PLCB1: variants seen among roughly 807,000 people sequenced by gnomAD.
The protein encoded by PLCB1 is 1-phosphatidylinositol 4,5-bisphosphate phosphodiesterase beta-1.
A neutral mutation model predicts 161.8 loss-of-function variants in PLCB1; 46 were observed. That is an observed-to-expected ratio of 0.28 (90% CI 0.22 to 0.36). PLCB1 has a LOEUF of 0.36. Among genes scored for constraint, PLCB1 ranks in the 10% least tolerant of loss-of-function variants. The probability of loss-of-function intolerance (pLI) is 1.00; values close to 1 mark genes in which losing one functional copy is unlikely to be tolerated. For missense variants in PLCB1, 1,016 were observed against 1,472.5 expected (o/e 0.69, Z 5.07); for synonymous variants, 517 against 503.7 (o/e 1.03, Z -0.35).
At chr20:8,852,855 T>C (rs1986936822) in intron 31 of PLCB1, among the ~76,000 whole-genome samples, 1 of 152,224 alleles carries the variant, frequency 6.6e-6, no homozygotes, top group African/African-American at 2.4e-5. Context: ...TCACATCCAA[T>C]AGCCCCTGGC....
chr20:8,702,530 T>A (rs1412813367), intron 11 of PLCB1, among the ~76,000 whole-genome samples: 2 of 152,236 alleles, frequency 1.3e-5, no homozygotes, highest in South Asian at 4.1e-4. Context: ...TAATTTAGGA[T>A]GCAGTTTCAC....
chr20:8,483,333 C>T (rs1180040713), intron 3 of PLCB1, among the ~76,000 whole-genome samples: 2 of 152,198 alleles, frequency 1.3e-5, no homozygotes, highest in African/African-American at 2.4e-5. Context: ...GGCACTCCCA[C>T]ATACCTTATA....
chr20:8,433,648 TAAAAGGG>T (rs1980159203), intron 3 of PLCB1, among the ~76,000 whole-genome samples: 1 of 146,806 alleles, frequency 6.8e-6, no homozygotes, highest in Non-Finnish European at 1.5e-5. Context: ...ATAACGGACA[TAAAAGGG>T]AGTTGGCATA....
intron 31 of PLCB1, among the ~76,000 whole-genome samples, chr20:8,850,713 TATC>T (rs1338077747): frequency 6.6e-6 from 1 of 152,194 alleles, no homozygotes; most frequent in African/African-American, 2.4e-5. Flanking sequence ...AGCAAAAAGG[TATC>T]ATCTTGGATG....
chr20:8,535,510 A>G (rs1568497598), intron 3 of PLCB1, among the ~76,000 whole-genome samples: 1 of 152,182 alleles, frequency 6.6e-6, no homozygotes, highest in Non-Finnish European at 1.5e-5. Flanking sequence ...AAATGTTTCA[A>G]TTATAATCAT....
Position 8,501,106 on chromosome 20 carries a change from A to G in PLCB1, c.247-127188A>G, listed in dbSNP as rs368033768. 2.6e-5 allele frequency among the ~76,000 whole-genome samples: 4 copies of G among 152,182 alleles called. No homozygotes were observed. In the East Asian group the frequency reaches 7.7e-4, roughly 29 times the overall value. ...TTTTCGTTCTCATGCTGCCAGCTAC[A>G]CAAGAGGCACGCACTGTGGATCCAC... is the stretch of plus-strand genomic sequence containing the variant. On this transcript the variant is annotated intron_variant, in intron 3 of 31. Coordinates refer to ENST00000338037, the MANE Select transcript of PLCB1 (RefSeq NM_015192.4).
intron 3 of PLCB1, among the ~76,000 whole-genome samples, chr20:8,444,519 G>T (rs1420224629): frequency 1.3e-5 from 2 of 152,194 alleles, no homozygotes; most frequent in East Asian, 3.9e-4. Flanking sequence ...ACGTGTGCAT[G>T]TGTCTTTATA....
intron 3 of PLCB1, among the ~76,000 whole-genome samples, chr20:8,489,228 G>A (rs1221483692): frequency 6.6e-6 from 1 of 152,132 alleles, no homozygotes; most frequent in African/African-American, 2.4e-5. Context: ...TAATCTATGA[G>A]TAAACGTCTA....
chr20:8,536,274 G>GA (rs143194347), intron 3 of PLCB1, among the ~76,000 whole-genome samples: 2 of 151,502 alleles, frequency 1.3e-5, no homozygotes, highest in Non-Finnish European at 2.9e-5. Flanking sequence ...TATACAAGAA[G>GA]AAAAAAAAAT....
rs559631096 is a variant in PLCB1 at position 8,166,401 on chromosome 20, CT to C, written c.177+16033del. Among the ~76,000 whole-genome samples, 8 of 152,212 alleles carry C rather than the reference CT, an allele frequency of 5.3e-5. No individual in the cohort carries two copies. The South Asian group carries it at 1.7e-3, about 32-fold the overall frequency. ...TCCTCGAAACACTTTCTTTTCTTGA[CT>C]TTCTTTTTCTCCTACCTCTTCCTAC... On this transcript the variant is annotated intron_variant, in intron 2 of 31. Coordinates refer to ENST00000338037, the MANE Select transcript of PLCB1 (RefSeq NM_015192.4).
intron 2 of PLCB1, among the ~76,000 whole-genome samples, chr20:8,215,262 T>G (rs1979055565): frequency 6.6e-6 from 1 of 151,930 alleles, no homozygotes; most frequent in African/African-American, 2.4e-5. Context: ...TTCTTAAATT[T>G]CGGAATCGAT....
chr20:8,344,777 C>T (rs914874326), intron 2 of PLCB1, among the ~76,000 whole-genome samples: 8 of 152,208 alleles, frequency 5.3e-5, no homozygotes, highest in Admixed American at 2.6e-4. Context: ...ACTTGAACTC[C>T]TCTAGGTTTT....
intron 31 of PLCB1, among the ~76,000 whole-genome samples, chr20:8,871,596 C>G (rs963398211): frequency 2.0e-5 from 3 of 152,162 alleles, no homozygotes; most frequent in Non-Finnish European, 4.4e-5. Flanking sequence ...TCTAATTTCT[C>G]CAGTCACCAC....
At chr20:8,134,103 A>T (rs567924731) in intron 1 of PLCB1, among the ~76,000 whole-genome samples, 2 of 152,354 alleles carry the variant, frequency 1.3e-5, no homozygotes, top group Non-Finnish European at 2.9e-5. Context: ...TCTTTTTACC[A>T]TGGGCTTCAC....
chr20:8,295,247 A>G (rs1018077534), intron 2 of PLCB1, among the ~76,000 whole-genome samples: 5 of 152,178 alleles, frequency 3.3e-5, no homozygotes, highest in Non-Finnish European at 4.4e-5. Context: ...TTAAATTGGG[A>G]GGTAGATAAA....
intron 3 of PLCB1, among the ~76,000 whole-genome samples, chr20:8,589,610 CTTT>C (rs71183102): frequency 5.2e-4 from 42 of 80,126 alleles, no homozygotes; most frequent in East Asian, 1.3e-3. Context: ...CAATCTCTCT[CTTT>C]TTTTTTTTTT....
intron 2 of PLCB1, among the ~76,000 whole-genome samples, chr20:8,165,156 C>T (rs1341239978): frequency 6.6e-6 from 1 of 152,144 alleles, no homozygotes; most frequent in Non-Finnish European, 1.5e-5. Flanking sequence ...GGCTTCTAGC[C>T]ATCATGAGGA....
At chr20:8,189,949 A>G (rs2051949745) in intron 2 of PLCB1, among the ~76,000 whole-genome samples, 1 of 152,116 alleles carries the variant, frequency 6.6e-6, no homozygotes, top group African/African-American at 2.4e-5. Flanking sequence ...TGCAGTTTTA[A>G]TAGAATGTCC....
intron 27 of PLCB1, among the ~76,000 whole-genome samples, chr20:8,777,344 C>T (rs1982993640): frequency 6.6e-6 from 1 of 152,122 alleles, no homozygotes; most frequent in Non-Finnish European, 1.5e-5. Flanking sequence ...TTCAGGCCAA[C>T]AGCAGCCCAA....
Sources: gnomAD v4.1 joint callset for allele counts (sites outside exome capture counted in the v4.1 genomes callset) on GRCh38, gnomAD v4.1.1 for gene constraint, MANE v1.5 for transcripts, NCBI Gene and HGNC (gene_info 2026-07-23, HGNC 2026-07-21) for gene names.